TBCA: variants seen among roughly 807,000 people sequenced by gnomAD.
TBCA encodes the protein tubulin folding cofactor A, also known as tubulin-specific chaperone A.
In TBCA, 6 loss-of-function variants were observed where a neutral mutation model predicts 15.8. The observed-to-expected ratio is 0.38, with a 90% CI of 0.21 to 0.75. TBCA has a LOEUF of 0.75. TBCA is among the 30% of genes least tolerant of loss of function. The pLI is 0.46. For synonymous variants in TBCA, 32 were observed against 42.3 expected, an observed-to-expected ratio of 0.76 and a Z score of 0.94; for missense variants, 90 against 131.2, an observed-to-expected ratio of 0.69 and a Z score of 1.53.
intron 2 of TBCA, among the ~76,000 whole-genome samples, chr5:77,701,578 G>GA (rs921719478): frequency 1.3e-5 from 2 of 150,584 alleles, no homozygotes; most frequent in Non-Finnish European, 3.0e-5. Flanking sequence ...GTCATTATAT[G>GA]AAAAAGATAC....
At chr5:77,760,145 T>C (rs1362314490) in intron 1 of TBCA, among the ~76,000 whole-genome samples, 2 of 152,188 alleles carry the variant, frequency 1.3e-5, no homozygotes, top group Non-Finnish European at 2.9e-5. Flanking sequence ...TTTGATTCTC[T>C]TTCCTACTTC....
chr5:77,706,977 A>G (rs547744557), intron 2 of TBCA, among the ~76,000 whole-genome samples: 3 of 152,266 alleles, frequency 2.0e-5, no homozygotes, highest in East Asian at 3.9e-4. Flanking sequence ...AGATGAGGAA[A>G]AAGAAAGAAG....
At chr5:77,734,317 T>C (rs1013050030) in intron 1 of TBCA, among the ~76,000 whole-genome samples, 3 of 152,236 alleles carry the variant, frequency 2.0e-5, no homozygotes, top group African/African-American at 7.2e-5. Context: ...GTTATTCCTC[T>C]GATGGATCTG....
chr5:77,707,305 G>A (rs1357705117), intron 2 of TBCA, among the ~76,000 whole-genome samples: 2 of 152,084 alleles, frequency 1.3e-5, no homozygotes, highest in Admixed American at 1.3e-4. Context: ...TGAAGCAAGT[G>A]TCAGCTGAGA....
At chr5:77,731,717 G>C (rs1746772468) in intron 1 of TBCA, among the ~76,000 whole-genome samples, 1 of 151,566 alleles carries the variant, frequency 6.6e-6, no homozygotes, top group Non-Finnish European at 1.5e-5. Context: ...CCCCATTTTT[G>C]CTATTTCCCT....
chr5:77,701,644 A>C (rs1178631495), intron 2 of TBCA, among the ~76,000 whole-genome samples: 2 of 142,338 alleles, frequency 1.4e-5, no homozygotes, highest in Admixed American at 7.2e-5. Flanking sequence ...AACCAACCCG[A>C]ATGTCCATCA....
At chr5:77,746,459 C>T (rs1161204518) in intron 1 of TBCA, among the ~76,000 whole-genome samples, 1 of 152,028 alleles carries the variant, frequency 6.6e-6, no homozygotes, top group Admixed American at 6.6e-5. Context: ...TCATACTATG[C>T]ACTTGATCTT....
chr5:77,728,143 AT>A, intron 1 of TBCA, among the ~76,000 whole-genome samples: 1 of 152,242 alleles, frequency 6.6e-6, no homozygotes, highest in Middle Eastern at 3.4e-3. Flanking sequence ...GAGATTATAA[AT>A]ATTTTTATTA....
chr5:77,760,806 C>A lies in TBCA; in HGVS notation c.53+15399G>T, dbSNP rs902870038. 5.3e-5 allele frequency among the ~76,000 whole-genome samples: 8 copies of A among 152,240 alleles called. No homozygotes were observed. In the East Asian group the frequency reaches 1.2e-3, roughly 22 times the overall value. On this transcript the variant is annotated intron_variant, in intron 1 of 3. Transcript: ENST00000380377. ...CTCCCAGCCGCCTGCCTTGGCCTCC[C>A]AAAGTGCTAAGATTACAGCCTCTGC...
At chr5:77,752,611 T>C (rs559506677) in intron 1 of TBCA, among the ~76,000 whole-genome samples, 1 of 56,222 alleles carries the variant, frequency 1.8e-5, no homozygotes, top group Non-Finnish European at 4.2e-5. Flanking sequence ...GACTGCGGAC[T>C]GCAGTGGCGC....
intron 1 of TBCA, among the ~76,000 whole-genome samples, chr5:77,752,809 C>T (rs1279266788): frequency 2.1e-5 from 1 of 48,184 alleles, no homozygotes; most frequent in Non-Finnish European, 5.0e-5. Context: ...CCACCCGCCT[C>T]GGCCTCCCAA....
At chr5:77,755,450 G>C (rs138048159) in intron 1 of TBCA, among the ~76,000 whole-genome samples, 5 of 152,058 alleles carry the variant, frequency 3.3e-5, no homozygotes, top group African/African-American at 1.2e-4. Flanking sequence ...GGTGGTGCAC[G>C]CCTGTAATCC....
intron 2 of TBCA, among the ~76,000 whole-genome samples, chr5:77,706,710 G>A (rs1286401931): frequency 6.6e-6 from 1 of 151,250 alleles, no homozygotes; most frequent in Non-Finnish European, 1.5e-5. Flanking sequence ...TTCTTGGGAG[G>A]CTGAGGCAGG....
intron 1 of TBCA, among the ~76,000 whole-genome samples, chr5:77,735,983 C>T (rs1346511663): frequency 6.6e-6 from 1 of 152,150 alleles, no homozygotes; most frequent in East Asian, 1.9e-4. Flanking sequence ...TAACCCCTTA[C>T]TATGTAGCAC....
chr5:77,750,354 T>C (rs1327581219), intron 1 of TBCA, among the ~76,000 whole-genome samples: 1 of 152,136 alleles, frequency 6.6e-6, no homozygotes, highest in Non-Finnish European at 1.5e-5. Flanking sequence ...AGTAAATTCA[T>C]TCATTTTACA....
At chr5:77,773,363 A>G (rs1204947888) in intron 1 of TBCA, among the ~76,000 whole-genome samples, 1 of 151,916 alleles carries the variant, frequency 6.6e-6, no homozygotes, top group Non-Finnish European at 1.5e-5. Flanking sequence ...TTTTAACTTC[A>G]TTAAACCTCA....
chr5:77,759,497 G>A (rs1051550644), intron 1 of TBCA, among the ~76,000 whole-genome samples: 1 of 152,192 alleles, frequency 6.6e-6, no homozygotes, highest in Admixed American at 6.5e-5. Context: ...CCTGGCTGAG[G>A]AGGGAGTCCA....
At chr5:77,735,627 T>C (rs1746882345) in intron 1 of TBCA, among the ~76,000 whole-genome samples, 2 of 152,204 alleles carry the variant, frequency 1.3e-5, no homozygotes, top group African/African-American at 2.4e-5. Flanking sequence ...TTTCCTAAAA[T>C]AGGATTAATC....
intron 1 of TBCA, among the ~76,000 whole-genome samples, chr5:77,731,113 G>A (rs1746757300): frequency 6.6e-6 from 1 of 152,148 alleles, no homozygotes; most frequent in Non-Finnish European, 1.5e-5. Context: ...GATATATACT[G>A]ACAAGTGGCC....
Sources: allele counts gnomAD v4.1 joint callset (sites outside exome capture counted in the v4.1 genomes callset), GRCh38; gene constraint gnomAD v4.1.1; transcripts MANE v1.5; gene names NCBI Gene and HGNC (gene_info 2026-07-23, HGNC 2026-07-21).